The following ASIC2 variants were observed in gnomAD, a reference collection of about 807,000 sequenced individuals.
ASIC2 encodes the protein acid sensing ion channel subunit 2.
In ASIC2, 25 loss-of-function variants were observed where a neutral mutation model predicts 57.3. That is an observed-to-expected ratio of 0.44 (90% CI 0.32 to 0.61). The LOEUF (loss-of-function observed/expected upper bound fraction) is 0.61. Among genes scored for constraint, ASIC2 ranks in the 20% least tolerant of loss-of-function variants. ASIC2 has a pLI of 0.06. For synonymous variants in ASIC2, 319 were observed against 307.5 expected (o/e 1.04, Z -0.39); for missense variants, 641 against 738.1 (o/e 0.87, Z 1.52).
At chr17:33,478,365 A>G (rs193301157) in intron 1 of ASIC2, among the ~76,000 whole-genome samples, 9 of 152,346 alleles carry the variant, frequency 5.9e-5, no homozygotes, top group African/African-American at 1.9e-4. Flanking sequence ...CTTCAATGTA[A>G]CATCAAACAC....
chr17:34,087,065 A>C (rs1035543417), intron 1 of ASIC2, among the ~76,000 whole-genome samples: 45 of 151,552 alleles, frequency 3.0e-4, no homozygotes, highest in African/African-American at 9.4e-4. Context: ...GTTCTGTGTG[A>C]ATTTGATCCT....
At chr17:33,876,875 G>A (rs147875487) in intron 1 of ASIC2, among the ~76,000 whole-genome samples, 15 of 152,318 alleles carry the variant, frequency 9.8e-5, no homozygotes, top group African/African-American at 3.4e-4. Flanking sequence ...CCAGGAACCC[G>A]TGCATTACGG....
At chr17:34,092,527 A>T (rs1910369669) in intron 1 of ASIC2, among the ~76,000 whole-genome samples, 1 of 152,098 alleles carries the variant, frequency 6.6e-6, no homozygotes, top group South Asian at 2.1e-4. Flanking sequence ...CCCTGTAGGC[A>T]CCCTATGGGA....
At chr17:33,030,214 T>C (rs1409334428) in intron 3 of ASIC2, among the ~76,000 whole-genome samples, 4 of 152,176 alleles carry the variant, frequency 2.6e-5, no homozygotes, top group South Asian at 2.1e-4. Context: ...TTGTAACAAC[T>C]ACCCTAATCA....
chr17:33,168,252 C>T (rs1279194522), intron 1 of ASIC2, among the ~76,000 whole-genome samples: 2 of 152,294 alleles, frequency 1.3e-5, no homozygotes, highest in Non-Finnish European at 2.9e-5. Flanking sequence ...TCTGGTAAGA[C>T]AGAAAATTGG....
rs186511038 is a variant in ASIC2, at chr17:34,135,587, C to G, written c.555+20391G>C. 2.7e-3 allele frequency among the ~76,000 whole-genome samples: 412 copies of G among 152,208 alleles called. 2 individuals are homozygous for G. The highest frequency in any genetic ancestry group is 9.6e-3 in the African/African-American group (400 of 41,538). On this transcript the variant is annotated intron_variant, in intron 1 of 9. Coordinates refer to the ASIC2 transcript ENST00000359872. ...CTCCCCAGGTGATTCCAATGTGCAGCCAAGGTTGAGAATCATAGACTTAAA... is the reference window on the plus strand; with the variant it reads ...CTCCCCAGGTGATTCCAATGTGCAGGCAAGGTTGAGAATCATAGACTTAAA...
At chr17:34,076,994 A>C (rs1909691108) in intron 1 of ASIC2, among the ~76,000 whole-genome samples, 1 of 152,224 alleles carries the variant, frequency 6.6e-6, no homozygotes, top group African/African-American at 2.4e-5. Context: ...GGGCTGTCTC[A>C]TCTAGCCTCC....
intron 1 of ASIC2, among the ~76,000 whole-genome samples, chr17:33,370,444 G>A (rs1909007344): frequency 6.6e-6 from 1 of 152,226 alleles, no homozygotes; most frequent in African/African-American, 2.4e-5. Flanking sequence ...AAGGGGAAAT[G>A]TAAATGCAAG....
At position 33,395,997 on chromosome 17, in the gene ASIC2, TA is replaced by T. The variant is rs1910063972; in HGVS notation, c.556-283931del. Among the ~76,000 whole-genome samples the T allele has an allele frequency of 8.5e-5, 13 of 152,334 alleles. No homozygotes were observed. In the South Asian group the frequency reaches 2.7e-3, roughly 32 times the overall value. On this transcript the variant is annotated intron_variant, in intron 1 of 9. Transcript: ENST00000359872. The stretch of plus-strand genomic sequence containing the variant: ...TTTATAACAAAGGCCAGAGAAGCTG[TA>T]AATGGAATTGGAAGAACCGTCAGAC...
At chr17:33,740,904 T>C (rs778928112) in intron 1 of ASIC2, among the ~76,000 whole-genome samples, 4 of 152,188 alleles carry the variant, frequency 2.6e-5, no homozygotes, top group Non-Finnish European at 5.9e-5. Context: ...TATTGTCCCT[T>C]CAACAGGGTT....
chr17:33,126,360 A>C (rs1177372743), intron 1 of ASIC2, among the ~76,000 whole-genome samples: 2 of 152,184 alleles, frequency 1.3e-5, no homozygotes, highest in Admixed American at 6.5e-5. Context: ...TCAGGGTTAC[A>C]TGGAAACGAA....
intron 1 of ASIC2, among the ~76,000 whole-genome samples, chr17:33,263,077 A>G (rs1215838694): frequency 6.6e-6 from 1 of 152,204 alleles, no homozygotes; most frequent in Non-Finnish European, 1.5e-5. Flanking sequence ...CTGGACTGTG[A>G]GCTCCCTGAG....
rs1045187450 is a variant in ASIC2, at chr17:33,292,277, C to T, written c.-162G>A. 1.0e-6 allele frequency: 1 copy of T among 989,684 alleles called. No individual in the cohort carries two copies. Among genetic ancestry groups the T allele is most frequent in the African/African-American group, 1.8e-5 (1 of 57,006 alleles). The allele number at this position is 989,684 out of a possible 1,614,324, so 61.3% of individuals were successfully genotyped here. A position where few individuals can be genotyped will look rare whatever the true frequency, so the allele number is the denominator to read the frequency against. On this transcript the variant is annotated 5_prime_UTR_variant, in exon 1 of 10. Coordinates refer to ENST00000225823, the MANE Select transcript of ASIC2 (RefSeq NM_183377.2). ...AGCTCCGGTGGCGCGGCATGCCCGCCCGGCGCCGCCGCTGCCGCCTCCGCG... is the reference window on the plus strand; with the variant it reads ...AGCTCCGGTGGCGCGGCATGCCCGCTCGGCGCCGCCGCTGCCGCCTCCGCG...
At chr17:33,144,694 G>C (rs752721099) in intron 1 of ASIC2, among the ~76,000 whole-genome samples, 2 of 152,170 alleles carry the variant, frequency 1.3e-5, no homozygotes, top group African/African-American at 4.8e-5. Context: ...AGCAGCCTGG[G>C]GGAGAAACTT....
intron 1 of ASIC2, among the ~76,000 whole-genome samples, chr17:33,788,299 A>C (rs1911665226): frequency 6.6e-6 from 1 of 152,238 alleles, no homozygotes; most frequent in Non-Finnish European, 1.5e-5. Flanking sequence ...ACAAACATGA[A>C]AAAAAGCTCA....
intron 1 of ASIC2, among the ~76,000 whole-genome samples, chr17:33,543,635 A>G (rs1437402639): frequency 2.0e-5 from 3 of 152,314 alleles, no homozygotes; most frequent in Non-Finnish European, 2.9e-5. Flanking sequence ...GCGAGCTACC[A>G]TTATCGAGCA....
At chr17:34,055,971 G>T (rs940505775) in intron 1 of ASIC2, among the ~76,000 whole-genome samples, 3 of 152,148 alleles carry the variant, frequency 2.0e-5, no homozygotes, top group African/African-American at 7.2e-5. Context: ...GCAGTTAAGA[G>T]GCTATTACAG....
chr17:33,238,149 T>C (rs557904557), intron 1 of ASIC2, among the ~76,000 whole-genome samples: 8 of 152,236 alleles, frequency 5.3e-5, no homozygotes, highest in South Asian at 2.1e-4. Context: ...TTTCTCTACC[T>C]GATTTCATTA....
chr17:33,716,524 T>C (rs1909223829), intron 1 of ASIC2, among the ~76,000 whole-genome samples: 1 of 152,216 alleles, frequency 6.6e-6, no homozygotes, highest in South Asian at 2.1e-4. Flanking sequence ...TTTAATTACT[T>C]ATCGTTGGAC....
Sources: allele counts gnomAD v4.1 joint callset (sites outside exome capture counted in the v4.1 genomes callset), GRCh38; gene constraint gnomAD v4.1.1; transcripts MANE v1.5; gene names NCBI Gene and HGNC (gene_info 2026-07-23, HGNC 2026-07-21).